Variants in CEP83 observed in about 807,000 individuals in gnomAD.
CEP83 encodes centrosomal protein 83, also known as centrosomal protein of 83 kDa.
A neutral mutation model predicts 101.9 loss-of-function variants in CEP83; 70 were observed. The ratio of observed to expected loss-of-function variants is 0.69; its 90% confidence interval spans 0.57 to 0.84. The LOEUF (loss-of-function observed/expected upper bound fraction) is 0.84, where lower values mean the gene tolerates loss of function less well. CEP83 is among the 40% of genes least tolerant of loss of function. CEP83 has a pLI of 0.00. For synonymous variants in CEP83, 264 were observed against 267.9 expected, an observed-to-expected ratio of 0.99 and a Z score of 0.14; for missense variants, 715 against 787.2, an observed-to-expected ratio of 0.91 and a Z score of 1.10.
chr12:94,405,955 T>A (rs1408542085), intron 4 of CEP83, among the ~76,000 whole-genome samples: 2 of 152,152 alleles, frequency 1.3e-5, no homozygotes, highest in African/African-American at 2.4e-5. Flanking sequence ...TACCTAAGGC[T>A]AGGCAAATAC....
rs138652638 is a variant in CEP83, at chr12:94,438,709, A to T, written c.-154-3382T>A. ...TGGACTTAACAGATATTTACAGAACATTCTACCCAACAATTGCAGAATATA... is the reference window on the plus strand; with the variant it reads ...TGGACTTAACAGATATTTACAGAACTTTCTACCCAACAATTGCAGAATATA... On this transcript the variant is annotated intron_variant, in intron 1 of 16. Transcript: ENST00000397809. 9.2e-4 allele frequency among the ~76,000 whole-genome samples: 140 copies of T among 152,382 alleles called. 6 individuals carry two copies. The East Asian group carries it at 0.026, about 29-fold the overall frequency.
intron 11 of CEP83, among the ~76,000 whole-genome samples, chr12:94,348,538 T>C (rs959180106): frequency 6.6e-6 from 1 of 151,938 alleles, no homozygotes; most frequent in African/African-American, 2.4e-5. Context: ...CGACAAAAAG[T>C]GGATTTCATA....
downstream of CEP83, chr12:94,303,694 T>A: frequency 7.4e-6 from 1 of 135,736 alleles, no homozygotes; most frequent in Non-Finnish European, 1.5e-5. Context: ...TTCCTCCATC[T>A]TTTTTTTTTT....
intron 6 of CEP83, among the ~76,000 whole-genome samples, chr12:94,389,905 T>G (rs2062408508): frequency 6.6e-6 from 1 of 152,122 alleles, no homozygotes; most frequent in South Asian, 2.1e-4. Flanking sequence ...GGCGGCACCC[T>G]GGCAGGGGGA....
At chr12:94,382,436 T>C (rs921854619) in intron 6 of CEP83, among the ~76,000 whole-genome samples, 11 of 151,716 alleles carry the variant, frequency 7.3e-5, no homozygotes, top group African/African-American at 2.7e-4. Flanking sequence ...CTTACATTAC[T>C]GACTTGTTCC....
intron 3 of CEP83, among the ~76,000 whole-genome samples, chr12:94,412,113 G>A (rs542143810): frequency 6.6e-6 from 1 of 152,172 alleles, no homozygotes; most frequent in East Asian, 1.9e-4. Flanking sequence ...TCAAAATAAG[G>A]CTTATAAATT....
At chr12:94,422,947 G>C (rs1349526066) in intron 2 of CEP83, among the ~76,000 whole-genome samples, 2 of 152,156 alleles carry the variant, frequency 1.3e-5, no homozygotes, top group African/African-American at 2.4e-5. Flanking sequence ...TTTCAGTTTG[G>C]GGGTGGGTGG....
At chr12:94,363,913 ACTCCAGCCTGGG>A (rs1481408619) in intron 11 of CEP83, among the ~76,000 whole-genome samples, 2 of 149,586 alleles carry the variant, frequency 1.3e-5, no homozygotes, top group Non-Finnish European at 3.0e-5. Flanking sequence ...ATGCCACTGC[ACTCCAGCCTGGG>A]CAACAGAGTG....
At chr12:94,312,749 T>G in intron 15 of CEP83, 165 bp downstream of exon 15, 1 of 984,082 alleles carries the variant, frequency 1.0e-6, no homozygotes, top group South Asian at 4.7e-5. Context: ...AAAGAAACAT[T>G]CAGTTAGGGG....
intron 1 of CEP83, among the ~76,000 whole-genome samples, chr12:94,449,277 T>C (rs947200074): frequency 6.6e-6 from 1 of 152,058 alleles, no homozygotes; most frequent in Non-Finnish European, 1.5e-5. Flanking sequence ...ACTGAACCAA[T>C]AATTTTAAAT....
chr12:94,308,585 T>G lies in CEP83; in HGVS notation c.*228A>C. ...CTTTTTGTTTTACATTCTCAAACCA[T>G]TGTCAAATATTCTAAATATCTCTGA... On this transcript the variant is annotated 3_prime_UTR_variant, in exon 17 of 17. Transcript: ENST00000397809. 3.3e-6 allele frequency: 1 copy of G among 304,788 alleles called. No individual in the cohort carries two copies. Among genetic ancestry groups the G allele is most frequent in the Non-Finnish European group, 6.0e-6 (1 of 165,444 alleles). The allele number at this position is 304,788 out of a possible 1,614,324, so 18.9% of individuals were successfully genotyped here. A position where few individuals can be genotyped will look rare whatever the true frequency, so the allele number is the denominator to read the frequency against.
chr12:94,427,892 A>G (rs918634606), intron 2 of CEP83, among the ~76,000 whole-genome samples: 1 of 152,206 alleles, frequency 6.6e-6, no homozygotes, highest in African/African-American at 2.4e-5. Context: ...TGTCTTGCGT[A>G]CAAAAAAAAA....
At chr12:94,341,769 A>AAAAAC (rs199788723) in intron 11 of CEP83, among the ~76,000 whole-genome samples, 20 of 152,224 alleles carry the variant, frequency 1.3e-4, no homozygotes, top group Non-Finnish European at 1.9e-4. Context: ...CAAAAAACTA[A>AAAAAC]AAAACAAAAC....
At chr12:94,326,551 T>C (rs1446077652) in intron 14 of CEP83, among the ~76,000 whole-genome samples, 2 of 152,166 alleles carry the variant, frequency 1.3e-5, no homozygotes, top group Non-Finnish European at 2.9e-5. Flanking sequence ...AACAAAGAAA[T>C]GATTGCTGGT....
intron 11 of CEP83, among the ~76,000 whole-genome samples, chr12:94,364,910 C>T (rs1306949964): frequency 6.6e-6 from 1 of 152,036 alleles, no homozygotes; most frequent in Non-Finnish European, 1.5e-5. Context: ...AAAAATGAAA[C>T]CATACAAGCA....
At chr12:94,436,019 C>G (rs1279712830) in intron 1 of CEP83, among the ~76,000 whole-genome samples, 2 of 151,948 alleles carry the variant, frequency 1.3e-5, no homozygotes, top group African/African-American at 4.8e-5. Flanking sequence ...AAGCCCCATC[C>G]CTAGGGGAAG....
At chr12:94,265,807 G>T in the CEP83 span, among the ~76,000 whole-genome samples, 57 of 152,064 alleles carry the variant, frequency 3.7e-4, no homozygotes, top group Admixed American at 3.7e-3. Flanking sequence ...CTGCTGGAGG[G>T]TTTCACCCGC....
intron 7 of CEP83, among the ~76,000 whole-genome samples, chr12:94,378,179 C>A (rs1351129759): frequency 6.6e-6 from 1 of 152,014 alleles, no homozygotes; most frequent in Admixed American, 6.6e-5. Flanking sequence ...GCACTAAGAA[C>A]TAAGAAGAAT....
At chr12:94,355,196 T>C (rs933056260) in intron 11 of CEP83, among the ~76,000 whole-genome samples, 11 of 151,888 alleles carry the variant, frequency 7.2e-5, no homozygotes, top group South Asian at 6.2e-4. Context: ...CCCAGGGAAC[T>C]AGAAAAACAA....
Sources: allele counts gnomAD v4.1 joint callset (sites outside exome capture counted in the v4.1 genomes callset), GRCh38; gene constraint gnomAD v4.1.1; transcripts MANE v1.5; gene names NCBI Gene and HGNC (gene_info 2026-07-23, HGNC 2026-07-21).